Variants in WDR88 observed in about 807,000 individuals in gnomAD.
The protein encoded by WDR88 is WD repeat-containing protein 88.
WDR88 carries 40 observed loss-of-function variants against 46.8 expected under a neutral mutation model. That is an observed-to-expected ratio of 0.86 (90% CI 0.66 to 1.11). WDR88 has a LOEUF of 1.11. Among genes scored for constraint, WDR88 ranks in the 50% most tolerant of loss-of-function variants. The probability of loss-of-function intolerance (pLI) is 0.00; values close to 1 mark genes in which losing one functional copy is unlikely to be tolerated. For synonymous variants in WDR88, 235 were observed against 240.7 expected (o/e 0.98, Z 0.22); for missense variants, 562 against 602.4 (o/e 0.93, Z 0.70).
intron 10 of WDR88, chr19:33,174,400 A>T: frequency 1.4e-6 from 2 of 1,402,170 alleles, no homozygotes; most frequent in South Asian, 3.2e-5. Flanking sequence ...GCCACCTTGC[A>T]GGCTCTTCTC....
intron 5 of WDR88, among the ~76,000 whole-genome samples, chr19:33,149,880 G>C (rs934907672): frequency 6.6e-6 from 1 of 151,904 alleles, no homozygotes; most frequent in Non-Finnish European, 1.5e-5. Flanking sequence ...GGCTGGTCTC[G>C]AGCTCCTGAC....
At chr19:33,135,431 T>G (rs2145358749) in intron 1 of WDR88, among the ~76,000 whole-genome samples, 1 of 152,290 alleles carries the variant, frequency 6.6e-6, no homozygotes, top group East Asian at 1.9e-4. Context: ...CATTTTCTCT[T>G]TCTTTGAGAT....
intron 6 of WDR88, among the ~76,000 whole-genome samples, chr19:33,153,259 C>G (rs941654409): frequency 3.6e-5 from 5 of 140,406 alleles, no homozygotes; most frequent in Admixed American, 7.1e-5. Context: ...GAAACGGGGT[C>G]TCATTATGTC....
chr19:33,162,713 AC>A (rs1478939307), intron 8 of WDR88, among the ~76,000 whole-genome samples: 1 of 151,942 alleles, frequency 6.6e-6, no homozygotes, highest in Non-Finnish European at 1.5e-5. Context: ...CTTGCTAAAC[AC>A]CCGAGTACTA....
intron 2 of WDR88, among the ~76,000 whole-genome samples, chr19:33,140,714 T>C (rs912518439): frequency 1.3e-5 from 2 of 151,348 alleles, no homozygotes; most frequent in African/African-American, 2.4e-5. Context: ...TGCTTGAACC[T>C]GGGAGGCGGA....
At chr19:33,152,463 C>T (rs1421555948) in intron 6 of WDR88, among the ~76,000 whole-genome samples, 1 of 152,090 alleles carries the variant, frequency 6.6e-6, no homozygotes, top group Non-Finnish European at 1.5e-5. Context: ...CTTTCTGTCT[C>T]TATGAATCTG....
Position 33,175,693 on chromosome 19 carries a change from G to C in WDR88, c.*121G>C, listed in dbSNP as rs546496285. 1 of 1,248,768 alleles carries C rather than the reference G, an allele frequency of 8.0e-7. No individual in the cohort carries two copies. Among genetic ancestry groups the C allele is most frequent in the Non-Finnish European group, 1.1e-6 (1 of 893,434 alleles). 77.4% of individuals were successfully genotyped at this position (1,248,768 alleles called of 1,614,324 possible). On this transcript the variant is annotated 3_prime_UTR_variant, in exon 11 of 11. Transcript: ENST00000355868. ...CAGCAGGCCTGTCAGACTGGGGCAG[G>C]ACCCAAGCCCTGGCTGGACTCAGCA... is the stretch of plus-strand genomic sequence containing the variant.
chr19:33,145,604 G>A (rs368634282), intron 3 of WDR88, among the ~76,000 whole-genome samples: 17 of 151,166 alleles, frequency 1.1e-4, no homozygotes, highest in Admixed American at 2.0e-4. Context: ...GTGCGATCTC[G>A]GCTCATTGCA....
intron 1 of WDR88, among the ~76,000 whole-genome samples, chr19:33,134,840 A>ACCCCCCCCCCCCCCCCCC (rs766617576): frequency 1.8e-3 from 112 of 62,414 alleles, no homozygotes; most frequent in Admixed American, 2.5e-3. Flanking sequence ...CGTCCCCGAC[A>ACCCCCCCCCCCCCCCCCC]CCCCCCCCCC....
chr19:33,151,434 A>T, intron 6 of WDR88, 124 bp downstream of exon 6: 1 of 1,273,890 alleles, frequency 7.8e-7, no homozygotes, highest in Non-Finnish European at 1.1e-6. Flanking sequence ...AGGTGCTCTG[A>T]GGAGGCTGGG....
At chr19:33,174,211 G>A in intron 10 of WDR88, 1 of 1,536,528 alleles carries the variant, frequency 6.5e-7, no homozygotes, top group Middle Eastern at 1.7e-4. Context: ...TGAAGCTGAA[G>A]CAAGGATGAG....
intron 1 of WDR88, 118 bp downstream of exon 1, chr19:33,132,563 G>T: frequency 7.0e-7 from 1 of 1,420,322 alleles, no homozygotes; most frequent in Non-Finnish European, 9.4e-7. Flanking sequence ...CCCCCAGCGA[G>T]GCCCTAGGCC....
chr19:33,165,277 C>T (rs1324579631), intron 9 of WDR88, among the ~76,000 whole-genome samples: 2 of 151,968 alleles, frequency 1.3e-5, no homozygotes, highest in Non-Finnish European at 2.9e-5. Context: ...CTAGAGGTTT[C>T]TAAATCCAGG....
intron 9 of WDR88, among the ~76,000 whole-genome samples, chr19:33,168,973 T>C (rs1973996016): frequency 6.6e-6 from 1 of 152,096 alleles, no homozygotes; most frequent in Non-Finnish European, 1.5e-5. Flanking sequence ...TTGACGAGGG[T>C]GCCGAGACCA....
At chr19:33,134,012 G>T (rs1281706608) in intron 1 of WDR88, among the ~76,000 whole-genome samples, 1 of 152,266 alleles carries the variant, frequency 6.6e-6, no homozygotes, top group Non-Finnish European at 1.5e-5. Flanking sequence ...AGGCCCCATG[G>T]GGGAGGAGGC....
intron 9 of WDR88, among the ~76,000 whole-genome samples, chr19:33,164,770 C>T (rs1034550175): frequency 1.3e-5 from 2 of 152,112 alleles, no homozygotes; most frequent in Non-Finnish European, 2.9e-5. Context: ...ACCTTTTTGG[C>T]ACCAGGGACC....
In WDR88 at chr19:33,151,290, C is replaced by T. The variant is rs149013243; in HGVS notation, c.789C>T (p.Ala263=). ...CIKIWDVTSQ[A]TLLTITKAHS... is the part of the protein sequence containing the mutation. ...AGATCTGGGATGTTACATCCCAGGC[C>T]ACGCTGCTCACCATCACTAAGTGAG... is the stretch of plus-strand genomic sequence containing the variant. The change falls in exon 6 of 11, where the codon GCC becomes GCT. Residue 263 remains alanine, a synonymous_variant. Transcript: ENST00000355868. The T allele has an allele frequency of 6.2e-7, 1 of 1,613,410 alleles. No individual in the cohort carries two copies. Among genetic ancestry groups the T allele is most frequent in the South Asian group, 1.1e-5 (1 of 90,934 alleles).
chr19:33,166,588 C>A (rs1475251440), intron 9 of WDR88, among the ~76,000 whole-genome samples: 2 of 151,114 alleles, frequency 1.3e-5, no homozygotes, highest in Admixed American at 6.6e-5. Context: ...CAGAGTGAGA[C>A]CCTGTCTCTT....
chr19:33,159,229 G>A (rs1324228646), intron 7 of WDR88, among the ~76,000 whole-genome samples: 5 of 151,796 alleles, frequency 3.3e-5, no homozygotes. Flanking sequence ...CCAGCTACTT[G>A]GTAACTGAAG....
Sources: allele counts gnomAD v4.1 joint callset (sites outside exome capture counted in the v4.1 genomes callset), GRCh38; gene constraint gnomAD v4.1.1; transcripts MANE v1.5; gene names NCBI Gene and HGNC (gene_info 2026-07-23, HGNC 2026-07-21).